Variants in PI4KA observed in about 807,000 individuals in gnomAD.
The protein encoded by PI4KA is phosphatidylinositol 4-kinase alpha.
A neutral mutation model predicts 271.4 loss-of-function variants in PI4KA; 122 were observed. That is an observed-to-expected ratio of 0.45 (90% confidence interval 0.39 to 0.52). The LOEUF (loss-of-function observed/expected upper bound fraction) is 0.52, where lower values mean the gene tolerates loss of function less well. PI4KA is among the 20% of genes least tolerant of loss of function. The probability of loss-of-function intolerance (pLI) is 0.00; values close to 1 mark genes in which losing one functional copy is unlikely to be tolerated. For synonymous variants in PI4KA, 1,041 were observed against 1,078.8 expected, an observed-to-expected ratio of 0.96 and a Z score of 0.69; for missense variants, 1,969 against 2,769.1, an observed-to-expected ratio of 0.71 and a Z score of 6.48.
intron 23 of PI4KA, among the ~76,000 whole-genome samples, chr22:20,757,491 ATC>A (rs1346296431): frequency 2.0e-5 from 3 of 152,086 alleles, no homozygotes; most frequent in Non-Finnish European, 2.9e-5. Flanking sequence ...TCAGAAAGGG[ATC>A]TGATTCGGTT....
At chr22:20,784,250 T>C (rs1441629084) in intron 19 of PI4KA, 1 of 1,613,978 alleles carries the variant, frequency 6.2e-7, no homozygotes, top group African/African-American at 1.3e-5. Flanking sequence ...AAACAGGTAT[T>C]TCACACTGTG....
intron 19 of PI4KA, among the ~76,000 whole-genome samples, chr22:20,792,156 C>T (rs568840497): frequency 3.3e-5 from 5 of 151,830 alleles, no homozygotes; most frequent in Non-Finnish European, 7.4e-5. Context: ...AAATAACATG[C>T]GACATATGAC....
intron 23 of PI4KA, 54 bp from the exon 24 acceptor site, chr22:20,753,234 G>A: frequency 1.3e-6 from 2 of 1,492,974 alleles, no homozygotes; most frequent in South Asian, 2.3e-5. Context: ...GAGAATCCTA[G>A]CAACTTTCAA....
chr22:20,777,197 C>CA (rs1260184015), intron 19 of PI4KA, among the ~76,000 whole-genome samples: 3 of 151,930 alleles, frequency 2.0e-5, no homozygotes, highest in Middle Eastern at 6.8e-3. Context: ...TGCCATCACA[C>CA]CAGGCTAATT....
At chr22:20,835,233 C>A (rs1001670681) in intron 2 of PI4KA, among the ~76,000 whole-genome samples, 5 of 151,978 alleles carry the variant, frequency 3.3e-5, no homozygotes, top group Admixed American at 3.3e-4. Flanking sequence ...ATTTTACTTT[C>A]CTCTAATTTC....
At chr22:20,801,451 G>T (rs1187743748) in intron 14 of PI4KA, among the ~76,000 whole-genome samples, 1 of 151,888 alleles carries the variant, frequency 6.6e-6, no homozygotes, top group Admixed American at 6.6e-5. Flanking sequence ...CAAGAATGGT[G>T]GTGTGTGCCT....
intron 19 of PI4KA, among the ~76,000 whole-genome samples, chr22:20,791,522 G>T (rs1186372773): frequency 2.0e-5 from 3 of 152,204 alleles, no homozygotes; most frequent in African/African-American, 7.2e-5. Context: ...AAGGGAGGCT[G>T]AAGTGGGGCA....
rs375827091 is a variant in PI4KA, at chr22:20,727,881, G to T, written c.4683-17C>A. ...TTCTTAAACCTACAGTGCACAGAGG[G>T]TATGGGTGGTGCTGCCTCGCCAGGG... is the stretch of plus-strand genomic sequence containing the variant. On this transcript the variant is annotated splice_polypyrimidine_tract_variant and intron_variant, in intron 39 of 54. Coordinates refer to ENST00000255882, the MANE Select transcript of PI4KA (RefSeq NM_058004.4). The T allele has an allele frequency of 1.4e-5, 23 of 1,601,286 alleles. No homozygotes were observed. In the African/African-American group the frequency reaches 2.9e-4, roughly 20 times the overall value.
chr22:20,774,631 C>A (rs548191014), intron 19 of PI4KA, among the ~76,000 whole-genome samples: 1 of 151,856 alleles, frequency 6.6e-6, no homozygotes, highest in Non-Finnish European at 1.5e-5. Flanking sequence ...CGTGGTGGCA[C>A]GCGCCTGTAA....
chr22:20,739,141 C>G (rs927189345), intron 32 of PI4KA, among the ~76,000 whole-genome samples: 2 of 151,128 alleles, frequency 1.3e-5, no homozygotes, highest in African/African-American at 4.9e-5. Flanking sequence ...GTCAGGAGAT[C>G]GAGACCATCC....
intron 4 of PI4KA, 31 bp downstream of exon 4, chr22:20,824,295 A>G: frequency 1.5e-6 from 2 of 1,360,366 alleles, no homozygotes; most frequent in Non-Finnish European, 2.1e-6. Context: ...TCTAATAGAA[A>G]TGCATACCAA....
At chr22:20,846,263 C>CAAAAAAAAAAAA (rs361641) in intron 1 of PI4KA, among the ~76,000 whole-genome samples, 1 of 82,092 alleles carries the variant, frequency 1.2e-5, no homozygotes, top group Non-Finnish European at 2.4e-5. Context: ...GACTCTATCT[C>CAAAAAAAAAAAA]AAAAAAAAAA....
At position 20,799,667 on chromosome 22, in the gene PI4KA, G is replaced by C. The variant is rs376998408; in HGVS notation, c.1820+4C>G. ...GCCTCTGAGAGACAGGAATAGGGGC[G>C]TACTTGTCGCTCTCCTGAGAGATGT... On this transcript the variant is annotated splice_donor_region_variant and intron_variant, in intron 15 of 54. Transcript: ENST00000255882. 5 of 1,547,160 alleles carry C rather than the reference G, an allele frequency of 3.2e-6. No homozygotes were observed. In the African/African-American group the frequency reaches 5.5e-5, roughly 17 times the overall value.
intron 39 of PI4KA, 57 bp from the exon 40 acceptor site, chr22:20,727,921 C>A: frequency 7.5e-7 from 1 of 1,338,672 alleles, no homozygotes; most frequent in South Asian, 1.2e-5. Flanking sequence ...TGCACTCTCC[C>A]ACCACACTGG....
intron 14 of PI4KA, among the ~76,000 whole-genome samples, chr22:20,800,766 C>T (rs1205542993): frequency 2.7e-5 from 4 of 150,214 alleles, no homozygotes; most frequent in Non-Finnish European, 5.9e-5. Flanking sequence ...CCCAGCTACT[C>T]CAGAGGCTGA....
At chr22:20,839,769 G>A (rs1326881515) in intron 1 of PI4KA, among the ~76,000 whole-genome samples, 3 of 152,122 alleles carry the variant, frequency 2.0e-5, no homozygotes, top group African/African-American at 7.2e-5. Context: ...GGCGGAGGTT[G>A]CAGAGAGCCG....
intron 19 of PI4KA, among the ~76,000 whole-genome samples, chr22:20,792,922 G>GC (rs747793486): frequency 4.6e-5 from 7 of 152,340 alleles, no homozygotes; most frequent in Middle Eastern, 6.8e-3. Flanking sequence ...GGACCTGGGA[G>GC]CCACCCGGCA....
chr22:20,794,680 A>C (rs148072259), intron 18 of PI4KA, among the ~76,000 whole-genome samples: 63 of 152,220 alleles, frequency 4.1e-4, no homozygotes, highest in African/African-American at 1.5e-3. Context: ...CCCAATCTAA[A>C]GTGCCCCTCA....
chr22:20,833,336 T>C (rs1163644677), intron 3 of PI4KA, among the ~76,000 whole-genome samples: 1 of 152,180 alleles, frequency 6.6e-6, no homozygotes, highest in Non-Finnish European at 1.5e-5. Context: ...CTCTGTCGGA[T>C]AGTGGCAGCC....
Sources: gnomAD v4.1 joint callset for allele counts (sites outside exome capture counted in the v4.1 genomes callset) on GRCh38, gnomAD v4.1.1 for gene constraint, MANE v1.5 for transcripts, NCBI Gene and HGNC (gene_info 2026-07-23, HGNC 2026-07-21) for gene names.